The following TNKS1BP1 variants were observed in gnomAD, a reference collection of about 807,000 sequenced individuals.
The protein encoded by TNKS1BP1 is 182 kDa tankyrase-1-binding protein.
In TNKS1BP1, 48 loss-of-function variants were observed where a neutral mutation model predicts 141.1. That is an observed-to-expected ratio of 0.34 (90% confidence interval 0.27 to 0.43). The LOEUF (loss-of-function observed/expected upper bound fraction) is 0.43, where lower values mean the gene tolerates loss of function less well. TNKS1BP1 is among the 20% of genes least tolerant of loss of function. TNKS1BP1 has a pLI of 1.00. For missense variants in TNKS1BP1, 2,149 were observed against 2,226.0 expected, an observed-to-expected ratio of 0.97 and a Z score of 0.70; for synonymous variants, 875 against 898.2, an observed-to-expected ratio of 0.97 and a Z score of 0.46.
At chr11:57,320,012 C>T in intron 3 of TNKS1BP1, 67 bp downstream of exon 3, 1 of 1,218,922 alleles carries the variant, frequency 8.2e-7, no homozygotes, top group Non-Finnish European at 1.2e-6. Context: ...TGGTCCCCAG[C>T]CCCCACCCAA....
chr11:57,309,475 C>T lies in TNKS1BP1; in HGVS notation c.3236G>A (p.Gly1079Glu). The change falls in exon 6 of 12, where the codon GGG becomes GAG. Residue 1079 changes from glycine (G) to glutamate (E), a missense_variant. Transcript: ENST00000358252. The surrounding 1 kb of genome is among the most constrained non-coding windows in gnomAD (Gnocchi z 4.3). Reference sequence around the variant, plus strand: ...GACCCAGCCTCGCTTTCCCATCTCCCCATCTTCCAGGTCAGCACTGCCAGG... The same window carrying T: ...GACCCAGCCTCGCTTTCCCATCTCCTCATCTTCCAGGTCAGCACTGCCAGG... Reference protein sequence around the residue: ...QGPGSADLEDGEMGKRGWVGE... With the variant: ...QGPGSADLEDEEMGKRGWVGE... The T allele has an allele frequency of 1.2e-6, 2 of 1,614,064 alleles. No homozygotes were observed. Among genetic ancestry groups the T allele is most frequent in the Non-Finnish European group, 1.7e-6 (2 of 1,180,026 alleles).
chr11:57,309,582 T>C lies in TNKS1BP1; in HGVS notation c.3129A>G (p.Arg1043=), dbSNP rs1316583177. 5 of 1,613,588 alleles carry C rather than the reference T, an allele frequency of 3.1e-6. No homozygotes were observed. The highest frequency in any genetic ancestry group is 4.2e-6 in the Non-Finnish European group (5 of 1,180,026). The change falls in exon 6 of 12, where the codon AGA becomes AGG. Residue 1043 remains arginine (R), a synonymous_variant. Coordinates refer to ENST00000358252, the MANE Select transcript of TNKS1BP1 (RefSeq NM_033396.3). The surrounding 1 kb of genome is among the most constrained non-coding windows in gnomAD (Gnocchi z 4.3). ...CACTGTTTTGCCAGCTGCTCTGGTC[T>C]CTCTGCCCGAGTGCCCCATCCGGCA... ...AHVPDGALGQ[R]DQSSWQNSDA... is the part of the protein sequence containing the mutation.
chr11:57,302,832 A>C lies in TNKS1BP1; in HGVS notation c.4317-7T>G, dbSNP rs747833425. 5.3e-6 allele frequency: 8 copies of C among 1,520,742 alleles called. No homozygotes were observed. Among genetic ancestry groups the C allele is most frequent in the Non-Finnish European group, 7.0e-6 (8 of 1,137,242 alleles). 94.2% of individuals were successfully genotyped at this position (1,520,742 alleles called of 1,614,324 possible). On this transcript the variant is annotated splice_region_variant and splice_polypyrimidine_tract_variant and intron_variant, in intron 6 of 11. Coordinates refer to ENST00000358252, the MANE Select transcript of TNKS1BP1 (RefSeq NM_033396.3). The surrounding 1 kb of genome is among the most constrained non-coding windows in gnomAD (Gnocchi z 5.5). Reference sequence around the variant, plus strand: ...GGCCGGGCACCTGCCAGGGCTGTAAAGGGGACAGAGAGAGAACGAGATCAT... The same window carrying C: ...GGCCGGGCACCTGCCAGGGCTGTAACGGGGACAGAGAGAGAACGAGATCAT...
chr11:57,306,919 G>T (rs1590579803), intron 6 of TNKS1BP1, among the ~76,000 whole-genome samples: 1 of 145,104 alleles, frequency 6.9e-6, no homozygotes, highest in African/African-American at 2.5e-5. Flanking sequence ...GGGGGGTTGG[G>T]TGGGAGGGGG....
In TNKS1BP1 at chr11:57,322,774, G is replaced by A. The variant is rs562286462; in HGVS notation, c.-65-824C>T. Among the ~76,000 whole-genome samples, 3 of 152,178 alleles carry A rather than the reference G, an allele frequency of 2.0e-5. No individual in the cohort carries two copies. The South Asian group carries it at 6.2e-4, about 32-fold the overall frequency. ...ATCCGGGGGGTGGAGTGACTTGGGG[G>A]AAAATTCCCTGGGGCTCCACCTTCC... is the stretch of plus-strand genomic sequence containing the variant. On this transcript the variant is annotated intron_variant, in intron 1 of 11. Coordinates refer to ENST00000358252, the MANE Select transcript of TNKS1BP1 (RefSeq NM_033396.3).
rs1260093147 is a variant in TNKS1BP1, at chr11:57,302,112, G to A, written c.4796C>T (p.Ala1599Val). 1 of 1,613,912 alleles carries A rather than the reference G, an allele frequency of 6.2e-7. No homozygotes were observed. Among genetic ancestry groups the A allele is most frequent in the Non-Finnish European group, 8.5e-7 (1 of 1,179,956 alleles). ...GAACAGGTGTGCATCCGAGTCTGCT[G>A]CCTCCGACAGGCCCAAGGTACCCCC... Reference protein sequence around the residue: ...RPGGTLGLSEAADSDAHLFQD... With the variant: ...RPGGTLGLSEVADSDAHLFQD... The change falls in exon 8 of 12, where the codon GCA becomes GTA. Residue 1599 changes from alanine (A) to valine (V), a missense_variant. Ala to Val is a moderately conservative substitution (Grantham distance 64, BLOSUM62 0). Coordinates refer to ENST00000358252, the MANE Select transcript of TNKS1BP1 (RefSeq NM_033396.3). This position sits in a 1 kb window ranked among gnomAD's most constrained non-coding sequence, Gnocchi z 5.5.
intron 2 of TNKS1BP1, 79 bp from the exon 3 acceptor site, chr11:57,320,791 A>C (rs34754262): frequency 0.041 from 57,812 of 1,424,044 alleles, 1,352 homozygotes; most frequent in Non-Finnish European, 0.044. Context: ...GTTCCACCTC[A>C]TCTCCCACCC....
intron 6 of TNKS1BP1, among the ~76,000 whole-genome samples, chr11:57,303,694 G>A (rs12799582): frequency 0.035 from 5,398 of 152,282 alleles, 146 homozygotes; most frequent in Non-Finnish European, 0.047. Flanking sequence ...CAAATGAGGG[G>A]CTGGGTCACC....
intron 1 of TNKS1BP1, among the ~76,000 whole-genome samples, chr11:57,322,812 G>A (rs1855908706): frequency 6.6e-6 from 1 of 152,192 alleles, no homozygotes. Flanking sequence ...GACAGTCAGG[G>A]TGGAGCAGCC....
chr11:57,319,156 A>AG, intron 3 of TNKS1BP1, among the ~76,000 whole-genome samples: 1 of 151,798 alleles, frequency 6.6e-6, no homozygotes, highest in East Asian at 1.9e-4. Flanking sequence ...AAAAAAAAAA[A>AG]AAAAAAAAAG....
intron 5 of TNKS1BP1, among the ~76,000 whole-genome samples, 195 bp from the exon 6 acceptor site, chr11:57,310,751 T>G (rs1318895331): frequency 6.6e-6 from 1 of 152,112 alleles, no homozygotes; most frequent in Non-Finnish European, 1.5e-5. Context: ...TAATTCCTAT[T>G]GCATGGGGCT....
Position 57,313,158 on chromosome 11 carries a change from A to G in TNKS1BP1, c.1530T>C (p.Ala510=), listed in dbSNP as rs763286427. ...TGGAAACGGCCAAGTTGCCAGCCTCAGCAGCCTCGGCGGCCTCACTGGCTT... is the reference window on the plus strand; with the variant it reads ...TGGAAACGGCCAAGTTGCCAGCCTCGGCAGCCTCGGCGGCCTCACTGGCTT... ...ITEASEAAEA[A]EAGNLAVSSR... The change falls in exon 5 of 12, where the codon GCT becomes GCC. Residue 510 remains alanine (A), a synonymous_variant. Transcript: ENST00000358252. 2 of 1,612,870 alleles carry G rather than the reference A, an allele frequency of 1.2e-6. No homozygotes were observed. Among genetic ancestry groups the G allele is most frequent in the Non-Finnish European group, 1.7e-6 (2 of 1,180,034 alleles).
rs764207953 is a variant in TNKS1BP1, at chr11:57,302,030, C to T, written c.4834+44G>A. ...ACCCCTGCAAAAGCTTGGCCTAATGCCCTAGAGATCAAGAGACATCACCAA... is the reference window on the plus strand; with the variant it reads ...ACCCCTGCAAAAGCTTGGCCTAATGTCCTAGAGATCAAGAGACATCACCAA... On this transcript the variant is annotated intron_variant, in intron 8 of 11. Transcript: ENST00000358252. The surrounding 1 kb of genome is among the most constrained non-coding windows in gnomAD (Gnocchi z 5.5). 2 of 1,604,284 alleles carry T rather than the reference C, an allele frequency of 1.2e-6. No homozygotes were observed. Among genetic ancestry groups the T allele is most frequent in the South Asian group, 1.1e-5 (1 of 90,896 alleles).
chr11:57,302,875 C>G lies in TNKS1BP1; in HGVS notation c.4317-50G>C, dbSNP rs375127947. 1.3e-4 allele frequency: 185 copies of G among 1,461,340 alleles called. No individual in the cohort carries two copies. The African/African-American group carries it at 2.2e-3, about 18-fold the overall frequency. 90.5% of individuals were successfully genotyped at this position (1,461,340 alleles called of 1,614,324 possible). A position where few individuals can be genotyped will look rare whatever the true frequency, so the allele number is the denominator to read the frequency against. ...GAGATCATCGTAAGGCCCCATCTCCCTGCCCTGAAGCCTACTTCACAAGCT... is the reference window on the plus strand; with the variant it reads ...GAGATCATCGTAAGGCCCCATCTCCGTGCCCTGAAGCCTACTTCACAAGCT... On this transcript the variant is annotated intron_variant, in intron 6 of 11. Coordinates refer to ENST00000358252, the MANE Select transcript of TNKS1BP1 (RefSeq NM_033396.3). This position sits in a 1 kb window ranked among gnomAD's most constrained non-coding sequence, Gnocchi z 5.5.
intron 1 of TNKS1BP1, among the ~76,000 whole-genome samples, chr11:57,323,728 G>T (rs1179366075): frequency 6.6e-6 from 1 of 152,156 alleles, no homozygotes; most frequent in Non-Finnish European, 1.5e-5. Flanking sequence ...CAAGTGTGGT[G>T]GGGGGAGGGG....
In TNKS1BP1 at chr11:57,309,429, A is replaced by G; in HGVS notation, c.3282T>C (p.Val1094=). 1 of 1,614,018 alleles carries G rather than the reference A, an allele frequency of 6.2e-7. No individual in the cohort carries two copies. The change falls in exon 6 of 12, where the codon GTT becomes GTC. Residue 1094 remains valine (V), a synonymous_variant. Coordinates refer to ENST00000358252, the MANE Select transcript of TNKS1BP1 (RefSeq NM_033396.3). This position sits in a 1 kb window ranked among gnomAD's most constrained non-coding sequence, Gnocchi z 4.3. ...TAAATGCTGCCTCTCGCTGGGGGCC[A>G]ACACTGAGGCTAAACTCACCGACCC... is the stretch of plus-strand genomic sequence containing the variant. ...RGWVGEFSLS[V]GPQREAAFSP... is the part of the protein sequence containing the mutation.
chr11:57,323,120 C>T (rs1245309619), intron 1 of TNKS1BP1, among the ~76,000 whole-genome samples: 1 of 152,156 alleles, frequency 6.6e-6, no homozygotes, highest in Non-Finnish European at 1.5e-5. Flanking sequence ...ATGCCTAGCA[C>T]ATAATAAGTG....
At chr11:57,304,872 CAA>C (rs35084894) in intron 6 of TNKS1BP1, among the ~76,000 whole-genome samples, 772 of 72,706 alleles carry the variant, frequency 0.011, 8 homozygotes, top group Non-Finnish European at 0.013. Flanking sequence ...AACTCCGTCT[CAA>C]AAAAAAAAAA....
chr11:57,300,432 G>C (rs1406767987), intron 11 of TNKS1BP1, 96 bp downstream of exon 11: 1 of 1,102,418 alleles, frequency 9.1e-7, no homozygotes, highest in East Asian at 2.4e-5. Flanking sequence ...GCACAGAAAG[G>C]GGTGGGAGCT....
Sources: gnomAD v4.1 joint callset for allele counts (sites outside exome capture counted in the v4.1 genomes callset) on GRCh38, gnomAD v4.1.1 for gene constraint, Gnocchi (gnomAD v3.1) non-coding constraint, MANE v1.5 for transcripts, NCBI Gene and HGNC (gene_info 2026-07-23, HGNC 2026-07-21) for gene names.